The following TRPM8 variants were observed in gnomAD, a reference collection of about 807,000 sequenced individuals.
TRPM8 encodes TRPM8 cationic channel.
A neutral mutation model predicts 133.7 loss-of-function variants in TRPM8; 110 were observed. The ratio of observed to expected loss-of-function variants is 0.82; its 90% CI spans 0.70 to 0.96. TRPM8 has a LOEUF of 0.96. Ranked by LOEUF, TRPM8 falls within the 40% of genes least tolerant of loss-of-function variation. The probability of loss-of-function intolerance (pLI) is 0.00; values close to 1 mark genes in which losing one functional copy is unlikely to be tolerated. For missense variants in TRPM8, 1,291 were observed against 1,379.5 expected (o/e 0.94, Z 1.02); for synonymous variants, 535 against 532.3 (o/e 1.01, Z -0.07).
At chr2:233,981,743 T>G (rs1211904880) in intron 18 of TRPM8, 31 bp from the exon 19 acceptor site, 1 of 1,571,360 alleles carries the variant, frequency 6.4e-7, no homozygotes, top group East Asian at 2.3e-5. Context: ...TGTCAATATC[T>G]CATGAATTCT....
At chr2:233,984,920 C>T (rs893588193) in intron 20 of TRPM8, among the ~76,000 whole-genome samples, 2 of 152,070 alleles carry the variant, frequency 1.3e-5, no homozygotes, top group African/African-American at 4.8e-5. Flanking sequence ...CCTGTCTCTA[C>T]TAAAAATACA....
chr2:233,974,951 T>C (rs1028736883), intron 17 of TRPM8, among the ~76,000 whole-genome samples: 1 of 152,038 alleles, frequency 6.6e-6, no homozygotes, highest in African/African-American at 2.4e-5. Flanking sequence ...CCATCTGGAA[T>C]TGCAAATGGC....
chr2:234,006,207 G>A (rs11563205), intron 22 of TRPM8, among the ~76,000 whole-genome samples: 1 of 152,108 alleles, frequency 6.6e-6, no homozygotes. Context: ...CATTGCATTC[G>A]TACCTGAAAT....
intron 17 of TRPM8, among the ~76,000 whole-genome samples, chr2:233,972,749 C>T (rs1249602255): frequency 2.0e-5 from 3 of 152,204 alleles, no homozygotes; most frequent in Non-Finnish European, 4.4e-5. Context: ...GCAGGGCCGG[C>T]CGGCTGCTCC....
At chr2:233,929,852 A>C (rs542185706) in intron 2 of TRPM8, 1 of 152,278 alleles carries the variant, frequency 6.6e-6, no homozygotes, top group East Asian at 1.9e-4. Context: ...TGATATTTTT[A>C]CTAACCTGGT....
chr2:233,971,518 G>A (rs1664375290), intron 17 of TRPM8, among the ~76,000 whole-genome samples: 1 of 152,146 alleles, frequency 6.6e-6, no homozygotes, highest in South Asian at 2.1e-4. Context: ...GTGCAGATGG[G>A]GAATGGAGCT....
intron 21 of TRPM8, among the ~76,000 whole-genome samples, chr2:233,988,420 C>G (rs373285753): frequency 6.6e-6 from 1 of 152,052 alleles, no homozygotes; most frequent in Non-Finnish European, 1.5e-5. Context: ...TTGAGAATGG[C>G]GAACTCTGGA....
intron 23 of TRPM8, 69 bp from the exon 24 acceptor site, chr2:234,008,001 G>T (rs1314217323): frequency 6.9e-7 from 1 of 1,442,918 alleles, no homozygotes. Context: ...ACTGCAAAAT[G>T]GAGCCTAATA....
At chr2:233,980,055 C>T (rs554411520) in intron 17 of TRPM8, 133 bp from the exon 18 acceptor site, 2 of 686,674 alleles carry the variant, frequency 2.9e-6, no homozygotes, top group East Asian at 5.7e-5. Context: ...GCTCACTTGG[C>T]ATATGAAAGA....
chr2:233,924,541 A>G (rs893996723), intron 1 of TRPM8, among the ~76,000 whole-genome samples: 1 of 152,164 alleles, frequency 6.6e-6, no homozygotes, highest in South Asian at 2.1e-4. Context: ...GATAGCTGCT[A>G]TCTAAGACTG....
chr2:233,945,024 C>A (rs1186721355), intron 6 of TRPM8, among the ~76,000 whole-genome samples: 1 of 152,042 alleles, frequency 6.6e-6, no homozygotes, highest in Non-Finnish European at 1.5e-5. Flanking sequence ...CTATAGTATT[C>A]AGATTAATAA....
intron 10 of TRPM8, among the ~76,000 whole-genome samples, chr2:233,954,528 C>T (rs2125145303): frequency 6.6e-6 from 1 of 152,204 alleles, no homozygotes; most frequent in Admixed American, 6.5e-5. Context: ...TGGATGTTAC[C>T]CATAGTAAAT....
At chr2:233,985,999 C>A in intron 21 of TRPM8, 134 bp downstream of exon 21, 1 of 836,968 alleles carries the variant, frequency 1.2e-6, no homozygotes. Flanking sequence ...GATTGGTGGA[C>A]TGGAGGGAGT....
intron 21 of TRPM8, among the ~76,000 whole-genome samples, chr2:233,993,271 C>T (rs1004919238): frequency 6.6e-6 from 1 of 152,304 alleles, no homozygotes. Flanking sequence ...CCTTGAGGTA[C>T]AGAGGAAGCT....
rs1316319233 is a variant in TRPM8, at chr2:233,927,870, CTT to C, written c.117+1218_117+1219del. 4.9e-4 allele frequency among the ~76,000 whole-genome samples: 27 copies of C among 55,514 alleles called. 1 individual carries two copies. Among genetic ancestry groups the C allele is most frequent in the Admixed American group, 1.0e-3 (5 of 4,918 alleles). The allele number at this position is 55,514 out of a possible 152,430, so 36.4% of individuals were successfully genotyped here. A position where few individuals can be genotyped will look rare whatever the true frequency, so the allele number is the denominator to read the frequency against. On this transcript the variant is annotated intron_variant, in intron 2 of 25. Coordinates refer to ENST00000324695, the MANE Select transcript of TRPM8 (RefSeq NM_024080.5). ...TTCCTTCCTTTCTTTCTCTTTCTTT[CTT>C]TCTTTCTTTCTTTCTTTCTTTCTTT...
chr2:233,991,919 G>T (rs1692288420), intron 21 of TRPM8, among the ~76,000 whole-genome samples: 1 of 152,084 alleles, frequency 6.6e-6, no homozygotes, highest in Non-Finnish European at 1.5e-5. Flanking sequence ...ATATTATTAT[G>T]ATGATGTTAG....
chr2:233,960,791 G>T lies in TRPM8; in HGVS notation c.1378G>T (p.Glu460Ter). Residue 460 changes from glutamate to a stop codon, truncating the protein, a stop_gained, in exon 12 of 26, where the codon GAA becomes TAA. Transcript: ENST00000324695. LOFTEE classifies it high-confidence loss of function. ...DRRWESADLQ[E>*]VMFTALIKDR... ...TTCTCCTTAGTCTGCTGACCTTCAA[G>T]AAGTCATGTTTACGGCTCTCATAAA... 1 of 1,614,016 alleles carries T rather than the reference G, an allele frequency of 6.2e-7. No individual in the cohort carries two copies. Among genetic ancestry groups the T allele is most frequent in the African/African-American group, 1.3e-5 (1 of 75,028 alleles).
chr2:233,974,967 C>A (rs1691831814), intron 17 of TRPM8, among the ~76,000 whole-genome samples: 1 of 152,040 alleles, frequency 6.6e-6, no homozygotes, highest in African/African-American at 2.4e-5. Flanking sequence ...ATGGCTGGTA[C>A]AATAGTAACT....
intron 22 of TRPM8, among the ~76,000 whole-genome samples, chr2:233,997,535 C>T (rs72974141): frequency 1.3e-5 from 2 of 152,166 alleles, no homozygotes; most frequent in Non-Finnish European, 2.9e-5. Context: ...TGGGCTGCTT[C>T]GTGCCCTCTG....
Sources: allele counts gnomAD v4.1 joint callset (sites outside exome capture counted in the v4.1 genomes callset), GRCh38; gene constraint gnomAD v4.1.1; transcripts MANE v1.5; gene names NCBI Gene and HGNC (gene_info 2026-07-23, HGNC 2026-07-21).